The following R3HCC1 variants were observed in gnomAD, a reference collection of about 807,000 sequenced individuals.
R3HCC1 encodes R3H domain and coiled-coil containing 1, also known as R3H and coiled-coil domain-containing protein 1.
In R3HCC1, 32 loss-of-function variants were observed where a neutral mutation model predicts 40.0. That is an observed-to-expected ratio of 0.80 (90% CI 0.60 to 1.07). The LOEUF (loss-of-function observed/expected upper bound fraction) is 1.07, where lower values mean the gene tolerates loss of function less well. Among genes scored for constraint, R3HCC1 ranks in the 50% least tolerant of loss-of-function variants. The pLI is 0.00. For synonymous variants in R3HCC1, 237 were observed against 232.8 expected (o/e 1.02, Z -0.17); for missense variants, 586 against 563.3 (o/e 1.04, Z -0.41).
intron 7 of R3HCC1, 34 bp downstream of exon 7, chr8:23,294,898 TGTGTGTGTGTGTGTGCGTGCGAGC>T: frequency 2.4e-6 from 2 of 827,296 alleles, no homozygotes; most frequent in Non-Finnish European, 3.4e-6. Context: ...ATAGGGAGGC[TGTGTGTGTGTGTGTGCGTGCGAGC>T]ATGTGTGTGT....
At chr8:23,288,480 C>G (rs1396504521) in intron 1 of R3HCC1, 26 bp from the exon 2 acceptor site, 3 of 1,535,176 alleles carry the variant, frequency 2.0e-6, no homozygotes, top group Non-Finnish European at 2.6e-6. Context: ...TGCTCTGATT[C>G]CCGGCCCTGC....
chr8:23,290,065 G>A lies in R3HCC1; in HGVS notation c.448G>A (p.Gly150Arg), dbSNP rs1802828988. 5.2e-6 allele frequency: 8 copies of A among 1,548,434 alleles called. No individual in the cohort carries two copies. The highest frequency in any genetic ancestry group is 7.0e-6 in the Non-Finnish European group (8 of 1,146,996). ...GGTGCTGCGCAGGCAGGAAGAATGGGGGCTGACCTCTACCTCGGTGCTCAA... is the reference window on the plus strand; with the variant it reads ...GGTGCTGCGCAGGCAGGAAGAATGGAGGCTGACCTCTACCTCGGTGCTCAA... The change falls in exon 4 of 8, where the codon GGG (glycine) becomes AGG (arginine). Residue 150 changes from glycine to arginine, a missense_variant. Transcript: ENST00000265806.
In R3HCC1 at chr8:23,296,203, T is replaced by TCA; in HGVS notation, c.*108_*109dup. ...AGCAGCCCCGCACCACCCTCGAGCTTCACCATGGGGTGTGGTGGGCTTTAG... is the reference window on the plus strand; with the variant it reads ...AGCAGCCCCGCACCACCCTCGAGCTTCACACCATGGGGTGTGGTGGGCTTTAG... On this transcript the variant is annotated 3_prime_UTR_variant, in exon 8 of 8. Coordinates refer to ENST00000265806, the MANE Select transcript of R3HCC1 (RefSeq NM_001136108.3). 1 of 1,321,110 alleles carries TCA rather than the reference T, an allele frequency of 7.6e-7. No homozygotes were observed. Among genetic ancestry groups the TCA allele is most frequent in the Non-Finnish European group, 1.0e-6 (1 of 992,584 alleles). The allele number at this position is 1,321,110 out of a possible 1,614,324, so 81.8% of individuals were successfully genotyped here. A position where few individuals can be genotyped will look rare whatever the true frequency, so the allele number is the denominator to read the frequency against.
At chr8:23,293,167 G>T (rs539624786) in intron 5 of R3HCC1, 136 bp from the exon 6 acceptor site, 38 of 648,558 alleles carry the variant, frequency 5.9e-5, no homozygotes, top group African/African-American at 4.9e-4. Context: ...GATTGTCTCC[G>T]TCCCAGAAGA....
At position 23,296,082 on chromosome 8, in the gene R3HCC1, T is replaced by C; in HGVS notation, c.1308T>C (p.Gly436=). ...AGAAAGAGCGGCCTGCTGTCCGGGG[T>C]CCGCTGCCGCCCTGAGGCCTGGAGA... The change falls in exon 8 of 8, where the codon GGT becomes GGC. Residue 436 remains glycine (G), a synonymous_variant. Transcript: ENST00000265806. The C allele has an allele frequency of 6.5e-7, 1 of 1,550,034 alleles. No homozygotes were observed. The highest frequency in any genetic ancestry group is 8.7e-7 in the Non-Finnish European group (1 of 1,146,768).
intron 5 of R3HCC1, 37 bp from the exon 6 acceptor site, chr8:23,293,266 C>G (rs1427854424): frequency 3.9e-6 from 6 of 1,529,776 alleles, no homozygotes; most frequent in Admixed American, 2.0e-5. Context: ...TGACTGCTTG[C>G]TTTCCTGAAT....
In R3HCC1 at chr8:23,290,274, GAGTC is replaced by G. The variant is rs1426738115; in HGVS notation, c.664_667del (p.Ser222GlyfsTer18). ...TTGGCCCTGAGCCTCTGGGGCCTGA[GAGTC>G]AGTCAGGGAAGGGAGACATGGTGGA... On this transcript the variant is annotated frameshift_variant, in exon 4 of 8. Transcript: ENST00000265806. LOFTEE classifies it high-confidence loss of function. 3 of 1,551,784 alleles carry G rather than the reference GAGTC, an allele frequency of 1.9e-6. No individual in the cohort carries two copies. Among genetic ancestry groups the G allele is most frequent in the African/African-American group, 2.7e-5 (2 of 73,174 alleles).
Position 23,293,246 on chromosome 8 carries a change from A to G in R3HCC1, c.1026-57A>G. 6.3e-6 allele frequency: 9 copies of G among 1,430,390 alleles called. No individual in the cohort carries two copies. The South Asian group carries it at 1.1e-4, about 18-fold the overall frequency. The allele number at this position is 1,430,390 out of a possible 1,614,324, so 88.6% of individuals were successfully genotyped here. A position where few individuals can be genotyped will look rare whatever the true frequency, so the allele number is the denominator to read the frequency against. On this transcript the variant is annotated intron_variant, in intron 5 of 7. Coordinates refer to ENST00000265806, the MANE Select transcript of R3HCC1 (RefSeq NM_001136108.3). ...CGAGGGGGTGTGGCTGCGGGATTCG[A>G]AGAGGAGTTTGACTGCTTGCTTTCC...
intron 1 of R3HCC1, 173 bp from the exon 2 acceptor site, chr8:23,288,333 C>T: frequency 3.6e-6 from 4 of 1,122,594 alleles, no homozygotes; most frequent in Non-Finnish European, 4.9e-6. Flanking sequence ...TGGGCAGGAG[C>T]CAGGAGACCC....
chr8:23,294,725 C>T, intron 6 of R3HCC1, 44 bp from the exon 7 acceptor site: 1 of 1,458,008 alleles, frequency 6.9e-7, no homozygotes, highest in Non-Finnish European at 9.4e-7. Flanking sequence ...GCCGCGGGGT[C>T]CTGAGGAGGA....
rs543158462 is a variant in R3HCC1 at position 23,288,372 on chromosome 8, C to T, written c.-18-134C>T. 1.3e-4 allele frequency: 173 copies of T among 1,306,906 alleles called. No individual in the cohort carries two copies. The South Asian group carries it at 2.2e-3, about 17-fold the overall frequency. 81.0% of individuals were successfully genotyped at this position (1,306,906 alleles called of 1,614,324 possible). A position where few individuals can be genotyped will look rare whatever the true frequency, so the allele number is the denominator to read the frequency against. ...CCCTGACCCCTGACTTGCCGGGGGTCCCTGGCATCACTTCCCCGCCACCGA... is the reference window on the plus strand; with the variant it reads ...CCCTGACCCCTGACTTGCCGGGGGTTCCTGGCATCACTTCCCCGCCACCGA... On this transcript the variant is annotated intron_variant, in intron 1 of 7. Coordinates refer to ENST00000265806, the MANE Select transcript of R3HCC1 (RefSeq NM_001136108.3).
Position 23,294,862 on chromosome 8 carries a change from C to T in R3HCC1, c.1190C>T (p.Pro397Leu). Residue 397 changes from proline (P) to leucine (L), a missense_variant and splice_region_variant, in exon 7 of 8, where the codon CCA becomes CTA. By Grantham distance (98) the Pro-to-Leu change is moderately conservative. Transcript: ENST00000265806. ...TCAAAGCTCAAAGCCTTGCAGAGGCCAAGTAAGGAAAGCGCATGTCCCTGA... is the reference window on the plus strand; with the variant it reads ...TCAAAGCTCAAAGCCTTGCAGAGGCTAAGTAAGGAAAGCGCATGTCCCTGA... The T allele has an allele frequency of 3.2e-6, 5 of 1,549,226 alleles. No individual in the cohort carries two copies. The highest frequency in any genetic ancestry group is 1.4e-5 in the African/African-American group (1 of 72,992).
chr8:23,294,098 C>T (rs1217205233), intron 6 of R3HCC1, among the ~76,000 whole-genome samples: 1 of 152,162 alleles, frequency 6.6e-6, no homozygotes. Context: ...GGAGGGAGGG[C>T]CCTGGCAGCA....
rs747098019 is a variant in R3HCC1 at position 23,289,902 on chromosome 8, C to T, written c.285C>T (p.Arg95=). The stretch of plus-strand genomic sequence containing the variant: ...CGGATGGCCTCTCTGGCCCCTGCCG[C>T]GCTCCTGCCTCCTGCCCCAGCAGGT... Residue 95 remains arginine (R), a synonymous_variant, in exon 4 of 8, where the codon CGC becomes CGT. Transcript: ENST00000265806. 5.2e-6 allele frequency: 8 copies of T among 1,531,788 alleles called. No individual in the cohort carries two copies. Among genetic ancestry groups the T allele is most frequent in the South Asian group, 2.4e-5 (2 of 83,498 alleles). 94.9% of individuals were successfully genotyped at this position (1,531,788 alleles called of 1,614,324 possible).
chr8:23,293,209 G>A (rs1351357059), intron 5 of R3HCC1, 94 bp from the exon 6 acceptor site: 5 of 992,484 alleles, frequency 5.0e-6, no homozygotes, highest in Non-Finnish European at 7.7e-6. Flanking sequence ...GGTGGCATCT[G>A]CGGGCTGGAG....
Position 23,296,074 on chromosome 8 carries a change from G to C in R3HCC1, c.1300G>C (p.Val434Leu), listed in dbSNP as rs937660558. 6.5e-6 allele frequency: 10 copies of C among 1,550,242 alleles called. No homozygotes were observed. In the Admixed American group the frequency reaches 7.9e-5, roughly 12 times the overall value. ...ACACAAAAAGAAAGAGCGGCCTGCTGTCCGGGGTCCGCTGCCGCCCTGAGG... is the reference window on the plus strand; with the variant it reads ...ACACAAAAAGAAAGAGCGGCCTGCTCTCCGGGGTCCGCTGCCGCCCTGAGG... The change falls in exon 8 of 8, where the codon GTC becomes CTC. Residue 434 changes from valine (V) to leucine (L), a missense_variant. Val to Leu is a conservative substitution (Grantham distance 32). Coordinates refer to ENST00000265806, the MANE Select transcript of R3HCC1 (RefSeq NM_001136108.3).
At chr8:23,293,847 A>G (rs1330450092) in intron 6 of R3HCC1, among the ~76,000 whole-genome samples, 2 of 152,160 alleles carry the variant, frequency 1.3e-5, no homozygotes, top group Non-Finnish European at 2.9e-5. Context: ...TGTCAGGGGT[A>G]CACTCCAAGT....
At chr8:23,295,878 C>T (rs558333054) in intron 7 of R3HCC1, 89 bp from the exon 8 acceptor site, 2 of 1,451,126 alleles carry the variant, frequency 1.4e-6, no homozygotes, top group East Asian at 2.5e-5. Flanking sequence ...GAGAGGCTGG[C>T]TCTGATGGCT....
chr8:23,295,611 T>G, intron 7 of R3HCC1: 1 of 462,416 alleles, frequency 2.2e-6, no homozygotes, highest in Non-Finnish European at 4.2e-6. Context: ...ACAATAAATA[T>G]CCTGTCCGTA....
Sources: gnomAD v4.1 joint callset for allele counts (sites outside exome capture counted in the v4.1 genomes callset) on GRCh38, gnomAD v4.1.1 for gene constraint, MANE v1.5 for transcripts, NCBI Gene and HGNC (gene_info 2026-07-23, HGNC 2026-07-21) for gene names.